CADPS2: variants seen among roughly 807,000 people sequenced by gnomAD.
CADPS2 encodes calcium dependent secretion activator 2.
A neutral mutation model predicts 172.5 loss-of-function variants in CADPS2; 93 were observed. The ratio of observed to expected loss-of-function variants is 0.54; its 90% confidence interval spans 0.46 to 0.64. The LOEUF (loss-of-function observed/expected upper bound fraction) is 0.64, where lower values mean the gene tolerates loss of function less well. Among genes scored for constraint, CADPS2 ranks in the 30% least tolerant of loss-of-function variants. The probability of loss-of-function intolerance (pLI) is 0.00; values close to 1 mark genes in which losing one functional copy is unlikely to be tolerated. For missense variants in CADPS2, 1,420 were observed against 1,565.9 expected, an observed-to-expected ratio of 0.91 and a Z score of 1.57; for synonymous variants, 546 against 555.2, an observed-to-expected ratio of 0.98 and a Z score of 0.23.
At chr7:122,584,675 G>C (rs947112218) in intron 6 of CADPS2, among the ~76,000 whole-genome samples, 1 of 151,686 alleles carries the variant, frequency 6.6e-6, no homozygotes, top group African/African-American at 2.4e-5. Context: ...TCCATTCCGG[G>C]CAAGCATTTG....
chr7:122,470,308 G>T (rs763104944), intron 14 of CADPS2, among the ~76,000 whole-genome samples: 1 of 151,722 alleles, frequency 6.6e-6, no homozygotes, highest in Non-Finnish European at 1.5e-5. Context: ...GGGCACTATG[G>T]GAAGAGAATA....
chr7:122,514,625 T>C (rs571794350), intron 8 of CADPS2, among the ~76,000 whole-genome samples: 29 of 152,114 alleles, frequency 1.9e-4, no homozygotes, highest in Non-Finnish European at 3.4e-4. Context: ...GAAATAGTCA[T>C]ACTCTTTCAT....
intron 12 of CADPS2, among the ~76,000 whole-genome samples, chr7:122,476,188 T>C (rs548072428): frequency 1.3e-5 from 2 of 152,210 alleles, no homozygotes; most frequent in South Asian, 4.1e-4. Context: ...TTTAGTATCA[T>C]TTTTATGAAA....
intron 1 of CADPS2, among the ~76,000 whole-genome samples, chr7:122,808,390 A>G (rs1338760470): frequency 6.6e-6 from 1 of 152,228 alleles, no homozygotes; most frequent in African/African-American, 2.4e-5. Context: ...ATTCTCTGCC[A>G]CTTATTAATC....
intron 2 of CADPS2, among the ~76,000 whole-genome samples, chr7:122,669,463 A>G (rs1054080785): frequency 6.6e-6 from 1 of 151,772 alleles, no homozygotes; most frequent in Non-Finnish European, 1.5e-5. Context: ...TATGATGCTG[A>G]TAACTGTGGG....
At chr7:122,668,108 C>A (rs971595937) in intron 2 of CADPS2, among the ~76,000 whole-genome samples, 2 of 151,908 alleles carry the variant, frequency 1.3e-5, no homozygotes, top group South Asian at 2.1e-4. Flanking sequence ...ACACAACAGA[C>A]CTGGTGGAAA....
At chr7:122,702,288 T>C (rs776551414) in intron 2 of CADPS2, 2 of 1,613,854 alleles carry the variant, frequency 1.2e-6, no homozygotes, top group Middle Eastern at 1.6e-4. Context: ...AGGTTGCTTA[T>C]CATCACCGCG....
At chr7:122,687,532 G>A (rs1165115754) in intron 2 of CADPS2, among the ~76,000 whole-genome samples, 1 of 152,160 alleles carries the variant, frequency 6.6e-6, no homozygotes, top group Non-Finnish European at 1.5e-5. Flanking sequence ...CAGTCTCTCT[G>A]CGTCTCCATT....
intron 2 of CADPS2, among the ~76,000 whole-genome samples, chr7:122,703,802 C>T (rs2086552227): frequency 6.6e-6 from 1 of 151,956 alleles, no homozygotes; most frequent in Non-Finnish European, 1.5e-5. Context: ...AAAGTAGCAG[C>T]ATAGATGTAG....
intron 1 of CADPS2, among the ~76,000 whole-genome samples, chr7:122,871,704 C>T (rs1028686373): frequency 9.2e-5 from 14 of 152,048 alleles, no homozygotes; most frequent in Non-Finnish European, 4.4e-5. Flanking sequence ...ATTGCAAAAT[C>T]CAATTAACAT....
chr7:122,875,209 C>T (rs909729807), intron 1 of CADPS2, among the ~76,000 whole-genome samples: 7 of 152,080 alleles, frequency 4.6e-5, no homozygotes, highest in African/African-American at 7.2e-5. Context: ...TAGGTGTATA[C>T]GTATTATGGA....
chr7:122,504,402 G>A (rs1242052049), intron 9 of CADPS2, among the ~76,000 whole-genome samples: 2 of 152,086 alleles, frequency 1.3e-5, no homozygotes, highest in African/African-American at 2.4e-5. Flanking sequence ...TTACTATAAC[G>A]CAGTATAGTC....
At chr7:122,434,011 G>A (rs2050317547) in intron 17 of CADPS2, among the ~76,000 whole-genome samples, 1 of 152,154 alleles carries the variant, frequency 6.6e-6, no homozygotes, top group Non-Finnish European at 1.5e-5. Flanking sequence ...GCCCCAGCTG[G>A]CTGAGTTATT....
intron 3 of CADPS2, among the ~76,000 whole-genome samples, chr7:122,645,414 C>CATAT (rs200955483): frequency 1.1e-5 from 1 of 87,582 alleles, no homozygotes; most frequent in Admixed American, 1.2e-4. Context: ...CATATACACA[C>CATAT]ATGTATATGT....
chr7:122,452,630 A>T (rs2053272337), intron 14 of CADPS2, among the ~76,000 whole-genome samples: 1 of 152,160 alleles, frequency 6.6e-6, no homozygotes. Context: ...TCCTGACCTC[A>T]AGTGATCTGC....
At chr7:122,624,620 C>T (rs1563889804) in intron 4 of CADPS2, among the ~76,000 whole-genome samples, 2 of 152,180 alleles carry the variant, frequency 1.3e-5, no homozygotes, top group African/African-American at 2.4e-5. Flanking sequence ...CAAATTAGAG[C>T]AGATTCAGTT....
rs527659687 is a variant in CADPS2, at chr7:122,349,847, A to G, written c.3505-4166T>C. On this transcript the variant is annotated intron_variant, in intron 27 of 29. Transcript: ENST00000449022. ...ACAGGTGCAAGTCTTCGCTTTCCCT[A>G]TTCATGGGTAGATGGGTGCAACACT... 1.2e-4 allele frequency among the ~76,000 whole-genome samples: 18 copies of G among 152,234 alleles called. No homozygotes were observed. The East Asian group carries it at 1.5e-3, about 13-fold the overall frequency.
chr7:122,717,576 G>T (rs901357449), intron 2 of CADPS2, among the ~76,000 whole-genome samples: 1 of 152,128 alleles, frequency 6.6e-6, no homozygotes, highest in Non-Finnish European at 1.5e-5. Context: ...TACTCAAAAT[G>T]AAGTAGCTTC....
chr7:122,873,389 C>T (rs1489743934), intron 1 of CADPS2, among the ~76,000 whole-genome samples: 1 of 152,058 alleles, frequency 6.6e-6, no homozygotes, highest in Non-Finnish European at 1.5e-5. Flanking sequence ...TCTCATTGTT[C>T]AACTCCCACT....
Sources: gnomAD v4.1 joint callset for allele counts (sites outside exome capture counted in the v4.1 genomes callset) on GRCh38, gnomAD v4.1.1 for gene constraint, MANE v1.5 for transcripts, NCBI Gene and HGNC (gene_info 2026-07-23, HGNC 2026-07-21) for gene names.